Variants in CNTN5 observed in about 807,000 individuals in gnomAD.
CNTN5 encodes the protein contactin 5.
CNTN5 carries 77 observed loss-of-function variants against 129.1 expected under a neutral mutation model. That is an observed-to-expected ratio of 0.60 (90% CI 0.50 to 0.72). CNTN5 has a LOEUF of 0.72. CNTN5 is among the 30% of genes least tolerant of loss of function. CNTN5 has a pLI of 0.00. For synonymous variants in CNTN5, 509 were observed against 465.6 expected, an observed-to-expected ratio of 1.09 and a Z score of -1.20; for missense variants, 1,478 against 1,328.8, an observed-to-expected ratio of 1.11 and a Z score of -1.75.
intron 2 of CNTN5, among the ~76,000 whole-genome samples, chr11:99,511,892 T>C (rs1296873095): frequency 6.6e-6 from 1 of 151,492 alleles, no homozygotes; most frequent in Admixed American, 6.6e-5. Context: ...AAAAATATTT[T>C]TGTATAGCTC....
At chr11:100,042,409 CTG>C (rs919970286) in intron 9 of CNTN5, among the ~76,000 whole-genome samples, 3 of 152,058 alleles carry the variant, frequency 2.0e-5, no homozygotes, top group African/African-American at 7.2e-5. Flanking sequence ...GGAGCCATAA[CTG>C]TATATATTTT....
chr11:100,080,056 GTTTAT>G (rs980532482), intron 13 of CNTN5, among the ~76,000 whole-genome samples: 17 of 152,234 alleles, frequency 1.1e-4, no homozygotes, highest in African/African-American at 4.1e-4. Context: ...TAAAGGTATA[GTTTAT>G]TTTGTTTCCT....
At chr11:99,217,932 A>C (rs557804017) in intron 1 of CNTN5, among the ~76,000 whole-genome samples, 1 of 152,310 alleles carries the variant, frequency 6.6e-6, no homozygotes, top group African/African-American at 2.4e-5. Flanking sequence ...CATAATTAAC[A>C]TGCTAAGATA....
At chr11:99,864,001 A>G (rs1948286937) in intron 6 of CNTN5, among the ~76,000 whole-genome samples, 1 of 152,188 alleles carries the variant, frequency 6.6e-6, no homozygotes, top group Non-Finnish European at 1.5e-5. Flanking sequence ...TAAGAAATAT[A>G]TGGGGAAAGA....
At chr11:100,008,940 T>G (rs1320424220) in intron 9 of CNTN5, among the ~76,000 whole-genome samples, 1 of 152,148 alleles carries the variant, frequency 6.6e-6, no homozygotes, top group African/African-American at 2.4e-5. Flanking sequence ...CTGTCCTTAA[T>G]GGTGTTCAGT....
chr11:100,254,114 G>C (rs940918668), intron 16 of CNTN5, among the ~76,000 whole-genome samples: 2 of 152,022 alleles, frequency 1.3e-5, no homozygotes, highest in African/African-American at 4.8e-5. Flanking sequence ...TCCTGGTCTT[G>C]GTCCTGACTT....
chr11:99,551,861 A>G (rs1948494962), intron 2 of CNTN5, among the ~76,000 whole-genome samples: 1 of 152,050 alleles, frequency 6.6e-6, no homozygotes, highest in African/African-American at 2.4e-5. Flanking sequence ...AAATGTCATT[A>G]TATAGCACAT....
intron 2 of CNTN5, among the ~76,000 whole-genome samples, chr11:99,369,102 A>G (rs968043390): frequency 9.3e-5 from 14 of 150,448 alleles, no homozygotes; most frequent in African/African-American, 3.4e-4. Flanking sequence ...TTTCAAAGAC[A>G]TGATTCCAAG....
At chr11:99,022,263 T>C (rs1045237812) in intron 1 of CNTN5, among the ~76,000 whole-genome samples, 1 of 152,192 alleles carries the variant, frequency 6.6e-6, no homozygotes, top group African/African-American at 2.4e-5. Flanking sequence ...AATACTAGCA[T>C]TTAAAATTAT....
chr11:99,419,602 T>C (rs985758710), intron 2 of CNTN5, among the ~76,000 whole-genome samples: 1 of 152,110 alleles, frequency 6.6e-6, no homozygotes, highest in Non-Finnish European at 1.5e-5. Context: ...GCCAGAGTTA[T>C]ATGGACTGTA....
At chr11:99,796,083 G>A (rs1945927421) in intron 3 of CNTN5, among the ~76,000 whole-genome samples, 1 of 152,138 alleles carries the variant, frequency 6.6e-6, no homozygotes, top group African/African-American at 2.4e-5. Context: ...CAATGTGGGT[G>A]GGGGGCAGGG....
intron 3 of CNTN5, among the ~76,000 whole-genome samples, chr11:99,750,057 G>A (rs186763743): frequency 3.9e-5 from 6 of 152,170 alleles, no homozygotes; most frequent in Non-Finnish European, 8.8e-5. Context: ...AAAAATGTTG[G>A]CTCGTCTGTG....
chr11:99,865,151 C>A (rs535775877), intron 6 of CNTN5, among the ~76,000 whole-genome samples: 1 of 152,234 alleles, frequency 6.6e-6, no homozygotes, highest in South Asian at 2.1e-4. Flanking sequence ...GTCAACTTTT[C>A]TTTTGCATCC....
intron 13 of CNTN5, among the ~76,000 whole-genome samples, chr11:100,155,196 T>C (rs534510368): frequency 6.6e-6 from 1 of 152,214 alleles, no homozygotes. Context: ...TTAATTTTTG[T>C]ATAAGGTGTA....
At chr11:99,786,164 A>T (rs1177210650) in intron 3 of CNTN5, among the ~76,000 whole-genome samples, 1 of 152,166 alleles carries the variant, frequency 6.6e-6, no homozygotes, top group Non-Finnish European at 1.5e-5. Context: ...AAGTCTCACG[A>T]TACAAAATCA....
chr11:99,158,539 A>T (rs535517547), intron 1 of CNTN5, among the ~76,000 whole-genome samples: 8 of 152,078 alleles, frequency 5.3e-5, no homozygotes, highest in African/African-American at 1.2e-4. Context: ...TGACTGTTTA[A>T]TTTTTTTGCA....
At chr11:99,097,909 A>G (rs1478700851) in intron 1 of CNTN5, among the ~76,000 whole-genome samples, 2 of 152,032 alleles carry the variant, frequency 1.3e-5, no homozygotes, top group African/African-American at 4.8e-5. Context: ...GGAAGTAAAT[A>G]AGATTTTAAA....
rs1349781422 is a variant in CNTN5 at position 99,598,326 on chromosome 11, GTCCCTCTCTCTCTC to G, written c.55+42060_55+42073del. Reference sequence around the variant, plus strand: ...TTTCTTTTCTTTTCTTTTCTTTTCTGTCCCTCTCTCTCTCTCTCTCTCTCTCTCTCTCTCTCTCT... The same window carrying G: ...TTTCTTTTCTTTTCTTTTCTTTTCTGTCTCTCTCTCTCTCTCTCTCTCTCT... On this transcript the variant is annotated intron_variant, in intron 3 of 24. Coordinates refer to ENST00000524871, the MANE Select transcript of CNTN5 (RefSeq NM_014361.4). Among the ~76,000 whole-genome samples, 13 of 4,276 alleles carry G rather than the reference GTCCCTCTCTCTCTC, an allele frequency of 3.0e-3. 3 individuals carry two copies. The highest frequency in any genetic ancestry group is 0.01 in the African/African-American group (13 of 1,270). 2.8% of individuals were successfully genotyped at this position (4,276 alleles called of 152,430 possible). A position where few individuals can be genotyped will look rare whatever the true frequency, so the allele number is the denominator to read the frequency against.
chr11:99,740,957 T>G (rs1337389301), intron 3 of CNTN5, among the ~76,000 whole-genome samples: 4 of 152,202 alleles, frequency 2.6e-5, no homozygotes, highest in Non-Finnish European at 5.9e-5. Flanking sequence ...TTTATATTAC[T>G]ACTATTTATT....
Sources: allele counts gnomAD v4.1 joint callset (sites outside exome capture counted in the v4.1 genomes callset), GRCh38; gene constraint gnomAD v4.1.1; transcripts MANE v1.5; gene names NCBI Gene and HGNC (gene_info 2026-07-23, HGNC 2026-07-21).